ADGRL3: variants seen among roughly 807,000 people sequenced by gnomAD.
The protein encoded by ADGRL3 is calcium-independent alpha-latrotoxin receptor 3.
Under a neutral mutation model 153.5 loss-of-function variants are expected in ADGRL3, and 62 were observed. The observed-to-expected ratio is 0.40, with a 90% CI of 0.33 to 0.50. ADGRL3 has a LOEUF of 0.50. ADGRL3 is among the 20% of genes least tolerant of loss of function. ADGRL3 has a pLI of 0.47. For missense variants in ADGRL3, 1,641 were observed against 1,859.4 expected (o/e 0.88, Z 2.16); for synonymous variants, 710 against 672.5 (o/e 1.06, Z -0.86).
At chr4:61,834,506 C>T (rs1309901199) in intron 9 of ADGRL3, among the ~76,000 whole-genome samples, 1 of 152,132 alleles carries the variant, frequency 6.6e-6, no homozygotes, top group African/African-American at 2.4e-5. Flanking sequence ...AATGGTATTT[C>T]TAGTTCAAGA....
At chr4:61,548,647 G>A (rs369086169) in intron 4 of ADGRL3, among the ~76,000 whole-genome samples, 3 of 151,968 alleles carry the variant, frequency 2.0e-5, no homozygotes, top group South Asian at 4.1e-4. Flanking sequence ...GTCTGTCTTT[G>A]TACTAATATC....
rs377129554 is a variant in ADGRL3, at chr4:61,653,773, C to T, written c.474-23053C>T. Among the ~76,000 whole-genome samples the T allele has an allele frequency of 1.7e-4, 26 of 152,280 alleles. 1 individual carries two copies. Among genetic ancestry groups the T allele is most frequent in the African/African-American group, 6.0e-4 (25 of 41,556 alleles). ...AATCTCCAGATTTGGATATCATTCA[C>T]CTCTCTTGGATTGCATGCCTATTCC... On this transcript the variant is annotated intron_variant, in intron 5 of 26. Coordinates refer to ENST00000683033, the MANE Select transcript of ADGRL3 (RefSeq NM_001387552.1).
intron 13 of ADGRL3, among the ~76,000 whole-genome samples, chr4:61,916,993 A>G (rs1299360224): frequency 6.6e-6 from 1 of 152,264 alleles, no homozygotes; most frequent in South Asian, 2.1e-4. Flanking sequence ...TTTATTAGGC[A>G]TTAATTATGT....
chr4:61,298,237 GC>G (rs1266815381), intron 1 of ADGRL3, among the ~76,000 whole-genome samples: 2 of 151,366 alleles, frequency 1.3e-5, no homozygotes, highest in Non-Finnish European at 2.9e-5. Context: ...CTTCCCCCTC[GC>G]CCCCCAAATG....
chr4:61,401,141 T>G (rs1054465708), intron 2 of ADGRL3, among the ~76,000 whole-genome samples: 57 of 151,984 alleles, frequency 3.8e-4, no homozygotes, highest in African/African-American at 1.3e-3. Flanking sequence ...GCTGATAATT[T>G]TTCATTTTGA....
At chr4:61,882,130 G>C (rs981467763) in intron 9 of ADGRL3, among the ~76,000 whole-genome samples, 1 of 151,998 alleles carries the variant, frequency 6.6e-6, no homozygotes, top group Admixed American at 6.6e-5. Context: ...TAACATTTTC[G>C]TACTGTTCGA....
At chr4:61,916,137 G>C (rs2098744132) in intron 13 of ADGRL3, among the ~76,000 whole-genome samples, 1 of 152,068 alleles carries the variant, frequency 6.6e-6, no homozygotes, top group Non-Finnish European at 1.5e-5. Context: ...TATGATAACT[G>C]ACCTGTAGTT....
intron 11 of ADGRL3, among the ~76,000 whole-genome samples, chr4:61,902,419 T>C (rs1332018361): frequency 6.6e-6 from 1 of 152,136 alleles, no homozygotes; most frequent in Admixed American, 6.5e-5. Flanking sequence ...ATCACCCAGA[T>C]CTCCTTTCAT....
chr4:61,305,191 A>G (rs1161345644), intron 1 of ADGRL3, among the ~76,000 whole-genome samples: 1 of 151,146 alleles, frequency 6.6e-6, no homozygotes, highest in South Asian at 2.1e-4. Context: ...TTTTTTAACT[A>G]TTTTGAGTCT....
intron 4 of ADGRL3, among the ~76,000 whole-genome samples, chr4:61,528,209 A>G (rs2098585334): frequency 6.6e-6 from 1 of 152,114 alleles, no homozygotes; most frequent in Non-Finnish European, 1.5e-5. Context: ...ATTCACATCA[A>G]TTACTTAGAA....
At chr4:61,245,331 G>A (rs1756626714) in intron 1 of ADGRL3, among the ~76,000 whole-genome samples, 2 of 152,086 alleles carry the variant, frequency 1.3e-5, no homozygotes, top group Admixed American at 1.3e-4. Flanking sequence ...GTATTTGCAT[G>A]TGCTATTCTT....
chr4:61,739,974 T>C (rs2096564004), intron 8 of ADGRL3, among the ~76,000 whole-genome samples: 1 of 152,190 alleles, frequency 6.6e-6, no homozygotes, highest in South Asian at 2.1e-4. Flanking sequence ...AAATGGAAAA[T>C]ATATTATTTT....
chr4:61,534,929 T>C (rs335299), intron 4 of ADGRL3, among the ~76,000 whole-genome samples: 119,520 of 151,944 alleles, frequency 0.79, 47,233 homozygotes, highest in East Asian at 0.92. Flanking sequence ...CCTGTTATTT[T>C]TTTCTCTTGT....
At chr4:61,285,455 A>T (rs540569721) in intron 1 of ADGRL3, among the ~76,000 whole-genome samples, 22 of 151,930 alleles carry the variant, frequency 1.4e-4, no homozygotes, top group Admixed American at 4.6e-4. Flanking sequence ...CCATCTGCTT[A>T]GGTTGCAAAT....
In ADGRL3 at chr4:62,070,490, C is replaced by A; in HGVS notation, c.4214C>A (p.Pro1405His). 1 of 1,548,300 alleles carries A rather than the reference C, an allele frequency of 6.5e-7. No individual in the cohort carries two copies. Among genetic ancestry groups the A allele is most frequent in the Non-Finnish European group, 8.7e-7 (1 of 1,145,816 alleles). Reference protein sequence around the residue: ...IHEESDAPLLPPRVYSTENHQ... With the variant: ...IHEESDAPLLHPRVYSTENHQ... Reference sequence around the variant, plus strand: ...GAGGAATCTGATGCTCCTTTGCTGCCCCCAAGAGTATACTCCACCGAGAAC... The same window carrying A: ...GAGGAATCTGATGCTCCTTTGCTGCACCCAAGAGTATACTCCACCGAGAAC... Residue 1405 changes from proline (P) to histidine (H), a missense_variant, in exon 27 of 27, where the codon CCC becomes CAC. By Grantham distance (77) the Pro-to-His change is moderately conservative. Coordinates refer to ENST00000683033, the MANE Select transcript of ADGRL3 (RefSeq NM_001387552.1).
intron 9 of ADGRL3, among the ~76,000 whole-genome samples, chr4:61,821,816 C>A (rs936388910): frequency 7.9e-5 from 12 of 152,158 alleles, no homozygotes; most frequent in African/African-American, 2.9e-4. Flanking sequence ...TTATATTCAG[C>A]AAATCCACTC....
At chr4:61,786,581 C>T (rs549239624) in intron 8 of ADGRL3, among the ~76,000 whole-genome samples, 11 of 152,258 alleles carry the variant, frequency 7.2e-5, no homozygotes, top group East Asian at 3.9e-4. Context: ...CATTAGCCAT[C>T]GGAGTATTAC....
In ADGRL3 at chr4:61,317,251, A is replaced by T. The variant is rs545441564; in HGVS notation, c.-239-65873A>T. Among the ~76,000 whole-genome samples, 14 of 152,304 alleles carry T rather than the reference A, an allele frequency of 9.2e-5. No homozygotes were observed. In the South Asian group the frequency reaches 1.7e-3, roughly 18 times the overall value. ...TACATTTCTTAGAACTAAATCTGGG[A>T]GTGTATCTGGCAGACCAATATCTTA... On this transcript the variant is annotated intron_variant, in intron 1 of 26. Transcript: ENST00000683033.
intron 8 of ADGRL3, among the ~76,000 whole-genome samples, chr4:61,744,126 A>C (rs1377437788): frequency 2.0e-5 from 3 of 152,122 alleles, no homozygotes; most frequent in Non-Finnish European, 4.4e-5. Flanking sequence ...CAACAGTCTG[A>C]GATCAAACTG....
Sources: gnomAD v4.1 joint callset for allele counts (sites outside exome capture counted in the v4.1 genomes callset) on GRCh38, gnomAD v4.1.1 for gene constraint, MANE v1.5 for transcripts, NCBI Gene and HGNC (gene_info 2026-07-23, HGNC 2026-07-21) for gene names.